NR2F1: variants seen among roughly 807,000 people sequenced by gnomAD.
NR2F1 encodes COUP transcription factor 1.
A neutral mutation model predicts 37.7 loss-of-function variants in NR2F1; 1 was observed. The observed-to-expected ratio is 0.03, with a 90% confidence interval of 0.01 to 0.13. The LOEUF is 0.13. Ranked by LOEUF, NR2F1 falls within the 10% of genes least tolerant of loss-of-function variation. The pLI, the probability that NR2F1 is intolerant of heterozygous loss-of-function variation, is 1.00. For synonymous variants in NR2F1, 275 were observed against 259.6 expected, an observed-to-expected ratio of 1.06 and a Z score of -0.57; for missense variants, 268 against 578.4, an observed-to-expected ratio of 0.46 and a Z score of 5.50.
chr5:93,585,082 C>CCGG lies in NR2F1; in HGVS notation c.64_66dup (p.Gly22dup). ...CAGGACGACGTGGCCGGGGGCAACC[C>CCGG]CGGCGGCCCCAACCCCGCAGCGCAG... On this transcript the variant is annotated inframe_insertion, in exon 1 of 3. Transcript: ENST00000327111. 2 of 1,021,714 alleles carry CCGG rather than the reference C, an allele frequency of 2.0e-6. No individual in the cohort carries two copies. Among genetic ancestry groups the CCGG allele is most frequent in the Non-Finnish European group, 2.3e-6 (2 of 855,886 alleles). The allele number at this position is 1,021,714 out of a possible 1,614,324, so 63.3% of individuals were successfully genotyped here. A position where few individuals can be genotyped will look rare whatever the true frequency, so the allele number is the denominator to read the frequency against.
Position 93,588,059 on chromosome 5 carries a change from C to T in NR2F1, c.606C>T (p.Arg202=). 1 of 1,614,100 alleles carries T rather than the reference C, an allele frequency of 6.2e-7. No homozygotes were observed. The highest frequency in any genetic ancestry group is 1.1e-5 in the South Asian group (1 of 91,078). Reference sequence around the variant, plus strand: ...GCGCCGAGCCCTACCCCACGTCGCGCTACGGCAGCCAGTGCATGCAGCCCA... The same window carrying T: ...GCGCCGAGCCCTACCCCACGTCGCGTTACGGCAGCCAGTGCATGCAGCCCA... The part of the protein sequence containing the change: ...LLRAEPYPTS[R]YGSQCMQPNN... The change falls in exon 2 of 3, where the codon CGC becomes CGT. Residue 202 remains arginine (R), a synonymous_variant. Transcript: ENST00000327111.
intron 1 of NR2F1, among the ~76,000 whole-genome samples, chr5:93,586,266 T>C (rs547111122): frequency 1.5e-3 from 224 of 152,366 alleles, no homozygotes; most frequent in African/African-American, 5.0e-3. Context: ...TTCATCAAAC[T>C]CCACCCTCTG....
Position 93,585,114 on chromosome 5 carries a change from CGCGGCGGCGGCG to C in NR2F1, c.98_109del (p.Gly33_Gly36del). 1.0e-6 allele frequency: 1 copy of C among 987,466 alleles called. No homozygotes were observed. The highest frequency in any genetic ancestry group is 1.2e-6 in the Non-Finnish European group (1 of 835,532). 61.2% of individuals were successfully genotyped at this position (987,466 alleles called of 1,614,324 possible). On this transcript the variant is annotated inframe_deletion, in exon 1 of 3. Transcript: ENST00000327111. ...CCCCAACCCCGCAGCGCAGGCGGCC[CGCGGCGGCGGCG>C]GCGGCGCCGGCGAGCAGCAGCAGCA...
Position 93,588,427 on chromosome 5 carries a change from T to C in NR2F1, c.974T>C (p.Ile325Thr). 1 of 1,606,494 alleles carries C rather than the reference T, an allele frequency of 6.2e-7. No individual in the cohort carries two copies. Among genetic ancestry groups the C allele is most frequent in the Non-Finnish European group, 8.5e-7 (1 of 1,175,364 alleles). Residue 325 changes from isoleucine to threonine, a missense_variant, in exon 2 of 3, where the codon ATC (isoleucine) becomes ACC (threonine). By Grantham distance (89) the Ile-to-Thr change is moderately conservative. Transcript: ENST00000327111. ...DSAEYSCLKA[I>T]VLFTSDACGL... ...GCCGAGTACAGCTGCCTCAAAGCCA[T>C]CGTGCTGTTCACGTCAGGTGAGGCT...
chr5:93,587,548 A>AT (rs59902398), intron 1 of NR2F1: 768 of 206,956 alleles, frequency 3.7e-3, no homozygotes, highest in Middle Eastern at 9.6e-3. Context: ...TTTAACCCTG[A>AT]TTTTTTTTTT....
chr5:93,588,748 G>C (rs1436602211), intron 2 of NR2F1, among the ~76,000 whole-genome samples: 24 of 151,280 alleles, frequency 1.6e-4, no homozygotes, highest in East Asian at 5.8e-4. Context: ...GTCTGAGGCG[G>C]GGGGGCGGTG....
Position 93,588,161 on chromosome 5 carries a change from C to T in NR2F1, c.708C>T (p.Asn236=), listed in dbSNP as rs372227484. 1.8e-4 allele frequency: 297 copies of T among 1,614,058 alleles called. No homozygotes were observed. The highest frequency in any genetic ancestry group is 2.3e-4 in the Non-Finnish European group (277 of 1,180,030). Residue 236 remains asparagine, a synonymous_variant, in exon 2 of 3, where the codon AAC becomes AAT. Transcript: ENST00000327111. ...TCAGCGCCGTCGAGTGGGCCCGCAA[C>T]ATCCCCTTCTTCCCGGATCTGCAGA... ...LLFSAVEWAR[N]IPFFPDLQIT...
chr5:93,589,345 C>T (rs1366537762), intron 2 of NR2F1, among the ~76,000 whole-genome samples: 1 of 152,346 alleles, frequency 6.6e-6, no homozygotes, highest in Non-Finnish European at 1.5e-5. Context: ...TTGAAGGGCT[C>T]TGGTCTGAGC....
At chr5:93,592,553 T>C (rs1753349188) in intron 2 of NR2F1, among the ~76,000 whole-genome samples, 1 of 152,010 alleles carries the variant, frequency 6.6e-6, no homozygotes, top group Admixed American at 6.6e-5. Flanking sequence ...TTGGTTGACA[T>C]GAACTAAGCA....
In NR2F1 at chr5:93,588,320, C is replaced by G. The variant is rs768598143; in HGVS notation, c.867C>G (p.Ala289=). The G allele has an allele frequency of 2.5e-6, 4 of 1,613,228 alleles. No individual in the cohort carries two copies. In the African/African-American group the frequency reaches 4.0e-5, roughly 16 times the overall value. Residue 289 remains alanine (A), a synonymous_variant, in exon 2 of 3, where the codon GCC becomes GCG. Coordinates refer to ENST00000327111, the MANE Select transcript of NR2F1 (RefSeq NM_005654.6). The stretch of plus-strand genomic sequence containing the variant: ...GCCTGCATGCCTCGCCCATGTCTGC[C>G]GACCGCGTCGTGGCCTTCATGGACC... ...AAGLHASPMS[A]DRVVAFMDHI...
At chr5:93,586,100 G>A (rs913620961) in intron 1 of NR2F1, among the ~76,000 whole-genome samples, 1 of 152,042 alleles carries the variant, frequency 6.6e-6, no homozygotes, top group Admixed American at 6.5e-5. Context: ...CTTCTGGCCC[G>A]TTCACTGGTT....
At chr5:93,590,393 C>G (rs1753311070) in intron 2 of NR2F1, among the ~76,000 whole-genome samples, 1 of 152,174 alleles carries the variant, frequency 6.6e-6, no homozygotes, top group African/African-American at 2.4e-5. Context: ...CAGGGAAACA[C>G]TGTGGAATTA....
In NR2F1 at chr5:93,583,720, A is replaced by T. The variant is rs1403518292; in HGVS notation, c.-1304A>T. On this transcript the variant is annotated 5_prime_UTR_variant, in exon 1 of 3. Coordinates refer to ENST00000327111, the MANE Select transcript of NR2F1 (RefSeq NM_005654.6). ...TAACTAGCTCTGTGTGTTATAGCAG[A>T]AGAAGCAGAAGAAGGAGCAAGAAAG... 1 of 152,192 alleles carries T rather than the reference A, an allele frequency of 6.6e-6. No homozygotes were observed. Among genetic ancestry groups the T allele is most frequent in the Non-Finnish European group, 1.5e-5 (1 of 68,042 alleles). 9.4% of individuals were successfully genotyped at this position (152,192 alleles called of 1,614,324 possible). A position where few individuals can be genotyped will look rare whatever the true frequency, so the allele number is the denominator to read the frequency against.
In NR2F1 at chr5:93,587,990, C is replaced by T. The variant is rs1441852947; in HGVS notation, c.537C>T (p.Leu179=). The T allele has an allele frequency of 6.2e-7, 1 of 1,613,542 alleles. No individual in the cohort carries two copies. The highest frequency in any genetic ancestry group is 8.5e-7 in the Non-Finnish European group (1 of 1,179,718). The change falls in exon 2 of 3, where the codon CTC becomes CTT. Residue 179 remains leucine (L), a synonymous_variant. Transcript: ENST00000327111. ...ACGCACTCACCAACGGGGACCCCCT[C>T]AACGGCCACTGCTACCTGTCCGGCT... ...GQYALTNGDP[L]NGHCYLSGYI... is the part of the protein sequence containing the mutation.
rs1418067687 is a variant in NR2F1, at chr5:93,594,201, G to T, written c.*359G>T. On this transcript the variant is annotated 3_prime_UTR_variant, in exon 3 of 3. Transcript: ENST00000327111. Reference sequence around the variant, plus strand: ...ACTAATGGACCTTCCAGGATTTATTGTGGACGGATGTGGATATATTCTGTA... The same window carrying T: ...ACTAATGGACCTTCCAGGATTTATTTTGGACGGATGTGGATATATTCTGTA... 1 of 253,766 alleles carries T rather than the reference G, an allele frequency of 3.9e-6. No homozygotes were observed. Among genetic ancestry groups the T allele is most frequent in the African/African-American group, 2.3e-5 (1 of 44,128 alleles). 15.7% of individuals were successfully genotyped at this position (253,766 alleles called of 1,614,324 possible).
chr5:93,585,071 C>T lies in NR2F1; in HGVS notation c.48C>T (p.Ala16=), dbSNP rs780151168. 4.4e-5 allele frequency: 45 copies of T among 1,030,444 alleles called. No homozygotes were observed. The highest frequency in any genetic ancestry group is 4.6e-5 in the Non-Finnish European group (40 of 861,022). 63.8% of individuals were successfully genotyped at this position (1,030,444 alleles called of 1,614,324 possible). ...GGCGAGATCCGCAGGACGACGTGGCCGGGGGCAACCCCGGCGGCCCCAACC... is the reference window on the plus strand; with the variant it reads ...GGCGAGATCCGCAGGACGACGTGGCTGGGGGCAACCCCGGCGGCCCCAACC... ...SSWRDPQDDV[A]GGNPGGPNPA... Residue 16 remains alanine, a synonymous_variant, in exon 1 of 3, where the codon GCC becomes GCT. Transcript: ENST00000327111.
intron 2 of NR2F1, among the ~76,000 whole-genome samples, chr5:93,590,995 C>T (rs1753320134): frequency 6.6e-6 from 1 of 152,226 alleles, no homozygotes; most frequent in Non-Finnish European, 1.5e-5. Context: ...AATCCATTTT[C>T]AGCACAATAA....
intron 2 of NR2F1, 46 bp downstream of exon 2, chr5:93,588,490 G>T (rs766826736): frequency 3.6e-6 from 5 of 1,402,648 alleles, no homozygotes; most frequent in Non-Finnish European, 4.7e-6. Flanking sequence ...GGCAGCGAGC[G>T]CAGGCCCCGC....
At chr5:93,588,730 G>C (rs1403831594) in intron 2 of NR2F1, among the ~76,000 whole-genome samples, 1 of 151,602 alleles carries the variant, frequency 6.6e-6, no homozygotes, top group African/African-American at 2.4e-5. Context: ...CGGCTGCCGA[G>C]GGTGTGTGTC....
Sources: gnomAD v4.1 joint callset for allele counts (sites outside exome capture counted in the v4.1 genomes callset) on GRCh38, gnomAD v4.1.1 for gene constraint, MANE v1.5 for transcripts, NCBI Gene and HGNC (gene_info 2026-07-23, HGNC 2026-07-21) for gene names.